The following SARDH variants were observed in gnomAD, a reference collection of about 807,000 sequenced individuals.
SARDH encodes the protein sarcosine dehydrogenase, mitochondrial.
A neutral mutation model predicts 109.1 loss-of-function variants in SARDH; 95 were observed. The ratio of observed to expected loss-of-function variants is 0.87; its 90% CI spans 0.74 to 1.03. The LOEUF (loss-of-function observed/expected upper bound fraction) is 1.03, where lower values mean the gene tolerates loss of function less well. Ranked by LOEUF, SARDH falls within the 50% of genes least tolerant of loss-of-function variation. The pLI is 0.00. For synonymous variants in SARDH, 572 were observed against 534.8 expected (o/e 1.07, Z -0.96); for missense variants, 1,267 against 1,287.8 (o/e 0.98, Z 0.25).
Position 133,699,490 on chromosome 9 carries a change from G to C in SARDH, c.1669-3129C>G, listed in dbSNP as rs1156534410. 2.6e-5 allele frequency among the ~76,000 whole-genome samples: 4 copies of C among 152,056 alleles called. No homozygotes were observed. In the South Asian group the frequency reaches 6.2e-4, roughly 24 times the overall value. ...CATTGCACTCCAGCCTGGGCAACAAGAGCGAAACCCTGTCTCAAATAATAA... is the reference window on the plus strand; with the variant it reads ...CATTGCACTCCAGCCTGGGCAACAACAGCGAAACCCTGTCTCAAATAATAA... On this transcript the variant is annotated intron_variant, in intron 13 of 20. Transcript: ENST00000439388.
chr9:133,663,682 T>C lies in SARDH; in HGVS notation c.*207A>G. The C allele has an allele frequency of 1.5e-6, 1 of 660,612 alleles. No homozygotes were observed. The highest frequency in any genetic ancestry group is 2.6e-6 in the Non-Finnish European group (1 of 383,574). 40.9% of individuals were successfully genotyped at this position (660,612 alleles called of 1,614,324 possible). A position where few individuals can be genotyped will look rare whatever the true frequency, so the allele number is the denominator to read the frequency against. On this transcript the variant is annotated 3_prime_UTR_variant, in exon 21 of 21. Coordinates refer to ENST00000439388, the MANE Select transcript of SARDH (RefSeq NM_001134707.2). ...TGCTTTCTGGGAGGATTGGGGTGGA[T>C]TAGAGACTGCCTTCCAGTCAGTGAC...
At chr9:133,664,115 C>T (rs1407575017) in intron 20 of SARDH, 101 bp from the exon 21 acceptor site, 5 of 1,478,464 alleles carry the variant, frequency 3.4e-6, no homozygotes, top group Non-Finnish European at 4.6e-6. Flanking sequence ...TTGCTACCTG[C>T]CCTGTGGGCA....
In SARDH at chr9:133,718,817, G is replaced by A. The variant is rs112875282; in HGVS notation, c.1020+121C>T. 5.2e-3 allele frequency: 4,456 copies of A among 855,530 alleles called. 148 individuals carry two copies. In the African/African-American group the frequency reaches 0.061, roughly 12 times the overall value. 53.0% of individuals were successfully genotyped at this position (855,530 alleles called of 1,614,324 possible). On this transcript the variant is annotated intron_variant, in intron 7 of 20. Coordinates refer to ENST00000439388, the MANE Select transcript of SARDH (RefSeq NM_001134707.2). This position sits in a 1 kb window ranked among gnomAD's most constrained non-coding sequence, Gnocchi z 4.2. ...TTGAGCTTGGTGGGGTCAGGGGACC[G>A]GCCACTTCTCAGGTGTGCCTCTGAG...
At chr9:133,667,171 C>A (rs987485463) in intron 19 of SARDH, 2 of 531,378 alleles carry the variant, frequency 3.8e-6, no homozygotes, top group Non-Finnish European at 6.6e-6. Flanking sequence ...CTTCCGATTT[C>A]CTTCCATTGT....
intron 1 of SARDH, among the ~76,000 whole-genome samples, chr9:133,734,768 G>A (rs896800856): frequency 1.3e-5 from 2 of 152,160 alleles, no homozygotes; most frequent in Non-Finnish European, 2.9e-5. Context: ...AGGGGCTCCG[G>A]TCTCAGGGAC....
At chr9:133,737,851 C>A (rs1027458903) in intron 1 of SARDH, among the ~76,000 whole-genome samples, 2 of 152,244 alleles carry the variant, frequency 1.3e-5, no homozygotes, top group South Asian at 4.1e-4. Context: ...GTACCTGAGT[C>A]AGCTTCCCAG....
intron 16 of SARDH, among the ~76,000 whole-genome samples, chr9:133,688,547 A>G (rs1388596786): frequency 6.6e-6 from 1 of 150,468 alleles, no homozygotes; most frequent in Non-Finnish European, 1.5e-5. Context: ...AGACCCCCCC[A>G]CCAAAGCCCA....
intron 4 of SARDH, among the ~76,000 whole-genome samples, chr9:133,731,099 G>A (rs1291818620): frequency 6.6e-6 from 1 of 152,212 alleles, no homozygotes; most frequent in African/African-American, 2.4e-5. Flanking sequence ...GTGCACCCAC[G>A]GCACGACCTG....
Position 133,693,342 on chromosome 9 carries a change from G to A in SARDH, c.1921+916C>T, listed in dbSNP as rs1307967635. Among the ~76,000 whole-genome samples, 1 of 152,118 alleles carries A rather than the reference G, an allele frequency of 6.6e-6. No individual in the cohort carries two copies. The highest frequency in any genetic ancestry group is 1.5e-5 in the Non-Finnish European group (1 of 68,014). ...TTTCTCCCCTTGCCTCTCTCCCCCA[G>A]TGCCCAAGCTGGGGCTCGACACTGA... On this transcript the variant is annotated intron_variant, in intron 15 of 20. Coordinates refer to ENST00000439388, the MANE Select transcript of SARDH (RefSeq NM_001134707.2). The surrounding 1 kb of genome is among the most constrained non-coding windows in gnomAD (Gnocchi z 5.6).
intron 8 of SARDH, among the ~76,000 whole-genome samples, chr9:133,716,832 C>A (rs1588441213): frequency 6.6e-6 from 1 of 152,196 alleles, no homozygotes. Context: ...GCATGGGGTC[C>A]TGGCCAGGGC....
chr9:133,708,461 G>A (rs762509241), intron 10 of SARDH, 33 bp from the exon 11 acceptor site: 2 of 1,587,076 alleles, frequency 1.3e-6, no homozygotes, highest in African/African-American at 2.7e-5. Context: ...TCACTGCTTT[G>A]GGGATGGCCC....
rs532219272 is a variant in SARDH at position 133,702,993 on chromosome 9, G to T, written c.1591C>A (p.Arg531Ser). Residue 531 changes from arginine to serine, a missense_variant, in exon 13 of 21, where the codon CGC (arginine) becomes AGC (serine). Transcript: ENST00000439388. ...EYDYYGAYGS[R>S]AHEDYAYRRL... is the part of the protein sequence containing the mutation. Reference sequence around the variant, plus strand: ...CGGTAGGCGTAGTCCTCGTGCGCGCGGCTCCCGTAAGCCCCGTAGTAGTCG... The same window carrying T: ...CGGTAGGCGTAGTCCTCGTGCGCGCTGCTCCCGTAAGCCCCGTAGTAGTCG... The T allele has an allele frequency of 6.2e-6, 10 of 1,613,508 alleles. No individual in the cohort carries two copies. In the African/African-American group the frequency reaches 8.0e-5, roughly 13 times the overall value.
chr9:133,670,524 C>T, intron 19 of SARDH, 60 bp downstream of exon 19: 5 of 1,522,868 alleles, frequency 3.3e-6, no homozygotes, highest in Non-Finnish European at 3.5e-6. Context: ...CAAGAAGCGC[C>T]TGCCTGCCCT....
chr9:133,737,996 G>C (rs1350604037), intron 1 of SARDH, among the ~76,000 whole-genome samples: 1 of 152,230 alleles, frequency 6.6e-6, no homozygotes, highest in Non-Finnish European at 1.5e-5. Context: ...CTCCTCCCAG[G>C]CTCAGGGGGT....
chr9:133,730,582 T>C (rs1393604512), intron 4 of SARDH, among the ~76,000 whole-genome samples: 1 of 151,712 alleles, frequency 6.6e-6, no homozygotes, highest in Non-Finnish European at 1.5e-5. Context: ...TGCATACATA[T>C]ATATTTTCAT....
Position 133,671,699 on chromosome 9 carries a change from TG to T in SARDH, c.2164-3del. The T allele has an allele frequency of 6.4e-7, 1 of 1,566,376 alleles. No individual in the cohort carries two copies. The highest frequency in any genetic ancestry group is 2.4e-5 in the East Asian group (1 of 42,176). ...AAAGGACAGCCGCATGGCTCGGACCTGGGGGACAAGGTCATGGCTTAGATGT... is the reference window on the plus strand; with the variant it reads ...AAAGGACAGCCGCATGGCTCGGACCTGGGGACAAGGTCATGGCTTAGATGT... On this transcript the variant is annotated splice_polypyrimidine_tract_variant and splice_region_variant and intron_variant, in intron 17 of 20. Coordinates refer to ENST00000439388, the MANE Select transcript of SARDH (RefSeq NM_001134707.2).
Position 133,731,315 on chromosome 9 carries a change from C to A in SARDH, c.680G>T (p.Arg227Leu), listed in dbSNP as rs750480276. 2.5e-6 allele frequency: 4 copies of A among 1,613,914 alleles called. No homozygotes were observed. In the South Asian group the frequency reaches 3.3e-5, roughly 13 times the overall value. The part of the protein sequence containing the change: ...CTTLARAASA[R>L]GAQVIENCPV... ...GGCGGCCATCAGTACCTGTGCTCCT[C>A]GGGCAGAAGCTGCCCTGGCGAGGGT... is the stretch of plus-strand genomic sequence containing the variant. The change falls in exon 4 of 21, where the codon CGA becomes CTA. Residue 227 changes from arginine (R) to leucine (L), a missense_variant. Coordinates refer to ENST00000439388, the MANE Select transcript of SARDH (RefSeq NM_001134707.2).
In SARDH at chr9:133,732,751, TG is replaced by T. The variant is rs1311022729; in HGVS notation, c.332-151del. 4 of 857,452 alleles carry T rather than the reference TG, an allele frequency of 4.7e-6. No individual in the cohort carries two copies. The African/African-American group carries it at 5.1e-5, about 11-fold the overall frequency. 53.1% of individuals were successfully genotyped at this position (857,452 alleles called of 1,614,324 possible). On this transcript the variant is annotated intron_variant, in intron 2 of 20. Transcript: ENST00000439388. ...CAGGACCTGGGGGGCCTGGAGAGGT[TG>T]TTGAGCAGAAAATAACTGGACCAAG...
rs765349752 is a variant in SARDH at position 133,670,653 on chromosome 9, C to T, written c.2426G>A (p.Gly809Glu). 6.3e-7 allele frequency: 1 copy of T among 1,593,696 alleles called. No individual in the cohort carries two copies. The highest frequency in any genetic ancestry group is 1.7e-5 in the Admixed American group (1 of 57,212). Reference sequence around the variant, plus strand: ...CCGCTGCTGCTCCAGGGCCTCCCTCCCCAGGAAGGGCACCGGCGACTTGAG... The same window carrying T: ...CCGCTGCTGCTCCAGGGCCTCCCTCTCCAGGAAGGGCACCGGCGACTTGAG... ...CKLKSPVPFL[G>E]REALEQQRAA... Residue 809 changes from glycine to glutamate, a missense_variant, in exon 19 of 21, where the codon GGG becomes GAG. Physicochemically the swap from Gly to Glu is moderately conservative, Grantham distance 98. Transcript: ENST00000439388.
Sources: gnomAD v4.1 joint callset for allele counts (sites outside exome capture counted in the v4.1 genomes callset) on GRCh38, gnomAD v4.1.1 for gene constraint, Gnocchi (gnomAD v3.1) non-coding constraint, MANE v1.5 for transcripts, NCBI Gene and HGNC (gene_info 2026-07-23, HGNC 2026-07-21) for gene names.